TEX11: variants seen among roughly 807,000 people sequenced by gnomAD.
TEX11 encodes the protein testis expressed 11.
TEX11 carries 7 observed loss-of-function variants against 84.4 expected under a neutral mutation model. That is an observed-to-expected ratio of 0.08 (90% CI 0.05 to 0.16). TEX11 has a LOEUF of 0.16. Ranked by LOEUF, TEX11 falls within the 10% of genes least tolerant of loss-of-function variation. TEX11 has a pLI of 1.00. For synonymous variants in TEX11, 264 were observed against 222.8 expected (o/e 1.18, Z -1.64); for missense variants, 551 against 660.5 (o/e 0.83, Z 1.82).
intron 1 of TEX11, among the ~76,000 whole-genome samples, chrX:70,908,026 G>A (rs779646711): frequency 1.8e-5 from 2 of 111,318 alleles, no homozygotes; most frequent in African/African-American, 3.3e-5. Flanking sequence ...GCCTGGCAAC[G>A]GGGGAAATGG....
At position 70,844,571 on chromosome X, in the gene TEX11, C is replaced by G. The variant is rs547420116; in HGVS notation, c.525+8463G>C. ...GCACATGTACACATATGTAACAAAC[C>G]TGCACGTTGTGCACATGTACCCTAA... is the stretch of plus-strand genomic sequence containing the variant. On this transcript the variant is annotated intron_variant, in intron 7 of 29. Transcript: ENST00000374333. Among the ~76,000 whole-genome samples the G allele has an allele frequency of 7.3e-5, 8 of 109,296 alleles. No individual in the cohort carries two copies. The South Asian group carries it at 3.2e-3, about 44-fold the overall frequency. 94.9% of individuals were successfully genotyped at this position (109,296 alleles called of 115,157 possible). A position where few individuals can be genotyped will look rare whatever the true frequency, so the allele number is the denominator to read the frequency against.
intron 8 of TEX11, among the ~76,000 whole-genome samples, chrX:70,824,568 C>T (rs930232874): frequency 9.0e-6 from 1 of 110,579 alleles, no homozygotes; most frequent in Non-Finnish European, 1.9e-5. Context: ...TGTCTTCCTA[C>T]TGCTTGGCCC....
At chrX:70,893,600 C>T (rs936679715) in intron 2 of TEX11, among the ~76,000 whole-genome samples, 2 of 111,700 alleles carry the variant, frequency 1.8e-5, no homozygotes, top group South Asian at 7.5e-4. Context: ...ATTTATAGTA[C>T]TAAGTGCCCA....
intron 4 of TEX11, among the ~76,000 whole-genome samples, chrX:70,861,283 G>A (rs1056846244): frequency 9.3e-6 from 1 of 107,100 alleles, no homozygotes; most frequent in Non-Finnish European, 1.9e-5. Context: ...GGATGGTCTC[G>A]ATCTCCTGAC....
At chrX:70,694,474 A>G (rs1183449134) in intron 13 of TEX11, among the ~76,000 whole-genome samples, 1 of 112,316 alleles carries the variant, frequency 8.9e-6, no homozygotes, top group Non-Finnish European at 1.9e-5. Flanking sequence ...AAAATGCTCA[A>G]CATTATTAGT....
At chrX:70,582,012 C>G (rs938173855) in intron 25 of TEX11, among the ~76,000 whole-genome samples, 1 of 111,373 alleles carries the variant, frequency 9.0e-6, no homozygotes, top group African/African-American at 3.3e-5. Context: ...TATGTTGTAA[C>G]TATCAATACT....
chrX:70,630,078 C>T (rs988779372), intron 17 of TEX11, among the ~76,000 whole-genome samples: 4 of 111,285 alleles, frequency 3.6e-5, no homozygotes, highest in African/African-American at 6.5e-5. Flanking sequence ...TTTGGGAGGC[C>T]GAGGAGGGTG....
intron 5 of TEX11, among the ~76,000 whole-genome samples, chrX:70,857,994 G>C (rs1201173843): frequency 9.0e-6 from 1 of 110,912 alleles, no homozygotes; most frequent in Admixed American, 9.8e-5. Context: ...TGACATGTGG[G>C]AGCTAAGCTA....
At chrX:70,874,183 C>T (rs1207419478) in intron 3 of TEX11, among the ~76,000 whole-genome samples, 2 of 110,789 alleles carry the variant, frequency 1.8e-5, no homozygotes, top group African/African-American at 6.6e-5. Flanking sequence ...AAGCAGATGC[C>T]AGTGCCATGC....
chrX:70,843,345 C>T (rs1381760838), intron 7 of TEX11, among the ~76,000 whole-genome samples: 1 of 111,668 alleles, frequency 9.0e-6, no homozygotes, highest in Non-Finnish European at 1.9e-5. Context: ...CTGACAAAAA[C>T]AAGCAATGGG....
intron 7 of TEX11, among the ~76,000 whole-genome samples, chrX:70,844,860 G>A (rs1447288468): frequency 1.0e-4 from 11 of 110,063 alleles, no homozygotes; most frequent in Non-Finnish European, 1.7e-4. Context: ...GCTTGAACCC[G>A]GGAGGCAGAG....
chrX:70,726,207 C>T (rs144551726), intron 11 of TEX11, among the ~76,000 whole-genome samples: 215 of 112,118 alleles, frequency 1.9e-3, no homozygotes, highest in African/African-American at 6.8e-3. Context: ...ATCTTGGCAA[C>T]ATCTGTTTTC....
intron 8 of TEX11, among the ~76,000 whole-genome samples, chrX:70,819,465 C>T (rs1330981697): frequency 9.0e-6 from 1 of 110,962 alleles, no homozygotes; most frequent in Non-Finnish European, 1.9e-5. Context: ...ATGAAAAGCC[C>T]ACAGCTAACA....
chrX:70,761,427 G>A (rs1351221320), intron 9 of TEX11, among the ~76,000 whole-genome samples: 1 of 111,812 alleles, frequency 8.9e-6, no homozygotes, highest in Non-Finnish European at 1.9e-5. Flanking sequence ...ACACTATGCA[G>A]CCATAAAAAA....
chrX:70,795,188 C>A (rs976534563), intron 9 of TEX11, among the ~76,000 whole-genome samples: 3 of 109,394 alleles, frequency 2.7e-5, no homozygotes, highest in African/African-American at 1.0e-4. Flanking sequence ...TCAGTGGAGC[C>A]TGGCAGTACT....
chrX:70,710,976 C>T (rs1193420391), intron 13 of TEX11, among the ~76,000 whole-genome samples: 1 of 105,675 alleles, frequency 9.5e-6, no homozygotes, highest in African/African-American at 3.4e-5. Context: ...GTGTGATGTT[C>T]CTCTTCCTGT....
chrX:70,519,251 G>A, the TEX11 span, among the ~76,000 whole-genome samples: 1 of 111,660 alleles, frequency 9.0e-6, no homozygotes, highest in African/African-American at 3.3e-5. Flanking sequence ...TGGCTGGTAC[G>A]GGTTGTTCCT....
At chrX:70,875,892 T>C (rs2091653356) in intron 3 of TEX11, among the ~76,000 whole-genome samples, 1 of 112,528 alleles carries the variant, frequency 8.9e-6, no homozygotes, top group Non-Finnish European at 1.9e-5. Flanking sequence ...AAGTTGTACA[T>C]ATGCAAATCT....
At chrX:70,736,174 T>C (rs1569424502) in intron 11 of TEX11, among the ~76,000 whole-genome samples, 2 of 111,607 alleles carry the variant, frequency 1.8e-5, no homozygotes, top group Non-Finnish European at 3.8e-5. Context: ...TTTGGTGTAG[T>C]ATCTAAGCAC....
Sources: gnomAD v4.1 joint callset for allele counts (sites outside exome capture counted in the v4.1 genomes callset) on GRCh38, gnomAD v4.1.1 for gene constraint, MANE v1.5 for transcripts, NCBI Gene and HGNC (gene_info 2026-07-23, HGNC 2026-07-21) for gene names.